Variants in TFCP2L1 observed in about 807,000 individuals in gnomAD.
The protein encoded by TFCP2L1 is transcription factor CP2-like protein 1.
A neutral mutation model predicts 72.2 loss-of-function variants in TFCP2L1; 12 were observed. The observed-to-expected ratio is 0.17, with a 90% CI of 0.11 to 0.27. The LOEUF (loss-of-function observed/expected upper bound fraction) is 0.27, where lower values mean the gene tolerates loss of function less well. Ranked by LOEUF, TFCP2L1 falls within the 10% of genes least tolerant of loss-of-function variation. TFCP2L1 has a pLI of 1.00. For synonymous variants in TFCP2L1, 260 were observed against 251.0 expected (o/e 1.04, Z -0.34); for missense variants, 488 against 624.6 (o/e 0.78, Z 2.33).
chr2:121,281,619 C>CT (rs1276803923), intron 1 of TFCP2L1, among the ~76,000 whole-genome samples: 6 of 152,164 alleles, frequency 3.9e-5, no homozygotes, highest in Admixed American at 3.9e-4. Context: ...TATTTGGTTT[C>CT]TATCCACAAG....
chr2:121,240,119 G>T lies in TFCP2L1; in HGVS notation c.769-470C>A, dbSNP rs1686337272. The stretch of plus-strand genomic sequence containing the variant: ...TTAAAACCTGTGCTATTTGAAAAAA[G>T]AATCTGCTGACAGGGGCGGAGGCTC... On this transcript the variant is annotated intron_variant, in intron 7 of 14. Coordinates refer to ENST00000263707, the MANE Select transcript of TFCP2L1 (RefSeq NM_014553.3). 5.1e-6 allele frequency: 5 copies of T among 984,954 alleles called. No individual in the cohort carries two copies. In the South Asian group the frequency reaches 2.4e-4, roughly 46 times the overall value. The allele number at this position is 984,954 out of a possible 1,614,324, so 61.0% of individuals were successfully genotyped here. A position where few individuals can be genotyped will look rare whatever the true frequency, so the allele number is the denominator to read the frequency against.
At chr2:121,266,534 G>A (rs901840005) in intron 2 of TFCP2L1, among the ~76,000 whole-genome samples, 9 of 152,202 alleles carry the variant, frequency 5.9e-5, no homozygotes, top group Non-Finnish European at 1.0e-4. Flanking sequence ...TTTAGAGGCA[G>A]ACAACAGCAG....
intron 2 of TFCP2L1, among the ~76,000 whole-genome samples, chr2:121,267,465 C>T (rs2104742636): frequency 6.6e-6 from 1 of 152,064 alleles, no homozygotes; most frequent in South Asian, 2.1e-4. Context: ...TAAAGTTTGA[C>T]ACGACCATGT....
chr2:121,276,062 G>A (rs1687140632), intron 2 of TFCP2L1, among the ~76,000 whole-genome samples: 1 of 152,166 alleles, frequency 6.6e-6, no homozygotes, highest in African/African-American at 2.4e-5. Context: ...TTACAATTTA[G>A]GATATGGTTT....
chr2:121,256,540 G>A (rs2104720451), intron 2 of TFCP2L1, among the ~76,000 whole-genome samples: 1 of 152,262 alleles, frequency 6.6e-6, no homozygotes, highest in East Asian at 1.9e-4. Flanking sequence ...CACTTTGGGA[G>A]GCCGAGGTGG....
chr2:121,273,003 C>T (rs547763847), intron 2 of TFCP2L1, among the ~76,000 whole-genome samples: 1 of 152,244 alleles, frequency 6.6e-6, no homozygotes, highest in East Asian at 1.9e-4. Context: ...GCTTAGGATT[C>T]CTGGGATAGA....
intron 13 of TFCP2L1, among the ~76,000 whole-genome samples, chr2:121,228,046 C>T (rs1349771586): frequency 6.6e-6 from 1 of 152,256 alleles, no homozygotes; most frequent in Non-Finnish European, 1.5e-5. Context: ...GGGGCCGGCT[C>T]CGCGGCTGGC....
chr2:121,270,269 G>A (rs994995879), intron 2 of TFCP2L1, among the ~76,000 whole-genome samples: 5 of 152,166 alleles, frequency 3.3e-5, no homozygotes, highest in South Asian at 2.1e-4. Context: ...GCTAGGCCTC[G>A]CAGTGAACAA....
intron 2 of TFCP2L1, among the ~76,000 whole-genome samples, chr2:121,276,976 C>T (rs1004052273): frequency 4.6e-5 from 7 of 151,392 alleles, no homozygotes; most frequent in Admixed American, 1.3e-4. Flanking sequence ...ATACCTTACA[C>T]CATAAATATA....
At chr2:121,249,974 C>A (rs1686571843) in intron 2 of TFCP2L1, among the ~76,000 whole-genome samples, 1 of 152,224 alleles carries the variant, frequency 6.6e-6, no homozygotes, top group Non-Finnish European at 1.5e-5. Flanking sequence ...TACATCTTTA[C>A]AAACCCCCCA....
At position 121,224,219 on chromosome 2, in the gene TFCP2L1, G is replaced by A. The variant is rs917189814; in HGVS notation, c.*122C>T. ...TGGTGCTCTGTAGCTTTCACAGACT[G>A]GGCAGGGTCCCTCCTGGCCTCAGCT... On this transcript the variant is annotated 3_prime_UTR_variant, in exon 15 of 15. Transcript: ENST00000263707. The A allele has an allele frequency of 5.4e-6, 6 of 1,115,552 alleles. No homozygotes were observed. The East Asian group carries it at 1.2e-4, about 23-fold the overall frequency. 69.1% of individuals were successfully genotyped at this position (1,115,552 alleles called of 1,614,324 possible). A position where few individuals can be genotyped will look rare whatever the true frequency, so the allele number is the denominator to read the frequency against.
chr2:121,247,078 C>T (rs1296901674), intron 5 of TFCP2L1, 108 bp from the exon 6 acceptor site: 2 of 1,365,108 alleles, frequency 1.5e-6, no homozygotes, highest in Non-Finnish European at 2.0e-6. Flanking sequence ...TTGGTCAGTG[C>T]AGGCCTGCCT....
intron 10 of TFCP2L1, 148 bp from the exon 11 acceptor site, chr2:121,235,459 T>C: frequency 1.4e-6 from 1 of 720,378 alleles, no homozygotes. Flanking sequence ...GGCAAAATGC[T>C]CAACAACATC....
At chr2:121,273,259 C>A (rs1231043114) in intron 2 of TFCP2L1, among the ~76,000 whole-genome samples, 1 of 152,148 alleles carries the variant, frequency 6.6e-6, no homozygotes. Flanking sequence ...AATCCCCATG[C>A]AGATTGCCTG....
intron 2 of TFCP2L1, among the ~76,000 whole-genome samples, chr2:121,261,457 G>GA (rs916152012): frequency 6.6e-5 from 10 of 152,140 alleles, no homozygotes; most frequent in Admixed American, 5.9e-4. Flanking sequence ...CAACCCAAAG[G>GA]AGCTCTCGAT....
At chr2:121,243,148 C>T (rs1181399078) in intron 6 of TFCP2L1, among the ~76,000 whole-genome samples, 1 of 152,242 alleles carries the variant, frequency 6.6e-6, no homozygotes, top group Non-Finnish European at 1.5e-5. Flanking sequence ...GGCGCCTTCT[C>T]GACCTTGCTA....
rs546274667 is a variant in TFCP2L1, at chr2:121,242,046, C to T, written c.768+313G>A. The stretch of plus-strand genomic sequence containing the variant: ...TTTTCTGTTGTACACTCTCTTGTAC[C>T]TTTTGAATTCAAAACCATGTGAATA... On this transcript the variant is annotated intron_variant, in intron 7 of 14. Coordinates refer to ENST00000263707, the MANE Select transcript of TFCP2L1 (RefSeq NM_014553.3). Among the ~76,000 whole-genome samples the T allele has an allele frequency of 2.8e-4, 33 of 117,646 alleles. No homozygotes were observed. The East Asian group carries it at 9.0e-3, about 32-fold the overall frequency. The allele number at this position is 117,646 out of a possible 152,430, so 77.2% of individuals were successfully genotyped here.
chr2:121,246,707 G>A (rs1272990571), intron 6 of TFCP2L1, 111 bp downstream of exon 6: 2 of 1,389,034 alleles, frequency 1.4e-6, no homozygotes, highest in East Asian at 2.3e-5. Context: ...CTAAAGGGAT[G>A]CTGCGTTCCT....
At chr2:121,280,754 A>AC (rs1687238873) in intron 2 of TFCP2L1, among the ~76,000 whole-genome samples, 1 of 122,340 alleles carries the variant, frequency 8.2e-6, no homozygotes, top group Admixed American at 9.3e-5. Context: ...ACAGAACAAG[A>AC]CCCCCTCAAA....
Sources: gnomAD v4.1 joint callset for allele counts (sites outside exome capture counted in the v4.1 genomes callset) on GRCh38, gnomAD v4.1.1 for gene constraint, MANE v1.5 for transcripts, NCBI Gene and HGNC (gene_info 2026-07-23, HGNC 2026-07-21) for gene names.